ANXA2: variants seen among roughly 807,000 people sequenced by gnomAD.
ANXA2 encodes the protein annexin A2, also known as annexin II.
Under a neutral mutation model 47.3 loss-of-function variants are expected in ANXA2, and 28 were observed. That is an observed-to-expected ratio of 0.59 (90% CI 0.44 to 0.81). The LOEUF is 0.81. Ranked by LOEUF, ANXA2 falls within the 40% of genes least tolerant of loss-of-function variation. ANXA2 has a pLI of 0.00. For missense variants in ANXA2, 384 were observed against 414.3 expected (o/e 0.93, Z 0.64); for synonymous variants, 172 against 155.5 (o/e 1.11, Z -0.79).
chr15:60,391,945 A>T (rs1486937317), intron 1 of ANXA2, among the ~76,000 whole-genome samples: 1 of 152,082 alleles, frequency 6.6e-6, no homozygotes, highest in African/African-American at 2.4e-5. Context: ...GAGTACATCT[A>T]CATACACATC....
intron 4 of ANXA2, 124 bp downstream of exon 4, chr15:60,364,305 T>C: frequency 2.6e-6 from 2 of 757,204 alleles, no homozygotes; most frequent in Non-Finnish European, 4.5e-6. Context: ...AAGAAAATCT[T>C]AGATATCCAA....
intron 3 of ANXA2, among the ~76,000 whole-genome samples, chr15:60,379,008 C>T (rs190125928): frequency 3.8e-4 from 58 of 151,452 alleles, no homozygotes; most frequent in Admixed American, 7.3e-4. Context: ...AGGCCAGGCG[C>T]GGTGGCTCAC....
intron 3 of ANXA2, among the ~76,000 whole-genome samples, chr15:60,377,827 C>T (rs1242348595): frequency 6.6e-6 from 1 of 152,198 alleles, no homozygotes; most frequent in East Asian, 1.9e-4. Flanking sequence ...TGATTTCACA[C>T]CTGTAATCCC....
intron 1 of ANXA2, among the ~76,000 whole-genome samples, chr15:60,388,988 C>CCAAG: frequency 3.3e-5 from 5 of 151,850 alleles, no homozygotes; most frequent in Admixed American, 6.6e-5. Flanking sequence ...TCTCTAACTT[C>CCAAG]AACATGGACC....
intron 3 of ANXA2, among the ~76,000 whole-genome samples, chr15:60,367,037 C>G (rs1430829950): frequency 2.8e-5 from 2 of 72,494 alleles, no homozygotes; most frequent in Non-Finnish European, 5.6e-5. Flanking sequence ...GTCAGCCCCC[C>G]GCCCGGCCAG....
intron 3 of ANXA2, among the ~76,000 whole-genome samples, chr15:60,381,650 G>T (rs9920823): frequency 0.17 from 25,361 of 151,988 alleles, 2,360 homozygotes; most frequent in South Asian, 0.25. Flanking sequence ...CACTCATTCT[G>T]ACAGCTCTTC....
At chr15:60,377,705 A>AT (rs1166364057) in intron 3 of ANXA2, among the ~76,000 whole-genome samples, 1 of 152,196 alleles carries the variant, frequency 6.6e-6, no homozygotes, top group Non-Finnish European at 1.5e-5. Flanking sequence ...AAAAACCATA[A>AT]TATCTACACA....
intron 3 of ANXA2, among the ~76,000 whole-genome samples, chr15:60,368,752 A>T (rs2062673529): frequency 6.6e-6 from 1 of 152,222 alleles, no homozygotes; most frequent in South Asian, 2.1e-4. Context: ...CATAATGACC[A>T]TAAATGGGTT....
At chr15:60,351,680 C>G (rs1896017601) in intron 10 of ANXA2, 44 bp downstream of exon 10, 1 of 1,305,998 alleles carries the variant, frequency 7.7e-7, no homozygotes, top group African/African-American at 1.5e-5. Flanking sequence ...CACTTCTGCT[C>G]TGGTAGCTGA....
intron 3 of ANXA2, among the ~76,000 whole-genome samples, chr15:60,373,058 G>C (rs1009942971): frequency 8.5e-5 from 13 of 152,148 alleles, no homozygotes; most frequent in Admixed American, 4.6e-4. Flanking sequence ...TAAAAGTTTA[G>C]TATATGTTTA....
chr15:60,362,147 C>T (rs150514364), intron 4 of ANXA2, among the ~76,000 whole-genome samples: 27 of 152,240 alleles, frequency 1.8e-4, no homozygotes, highest in African/African-American at 5.8e-4. Context: ...CGGGAACACA[C>T]GGCACTTAGG....
At chr15:60,364,397 G>A (rs2062561524) in intron 4 of ANXA2, 32 bp downstream of exon 4, 2 of 1,564,644 alleles carry the variant, frequency 1.3e-6, no homozygotes, top group East Asian at 4.5e-5. Flanking sequence ...AATTCAACAA[G>A]AAATGCCCTC....
intron 5 of ANXA2, among the ~76,000 whole-genome samples, chr15:60,357,654 A>G (rs547356816): frequency 5.1e-4 from 78 of 152,212 alleles, no homozygotes; most frequent in African/African-American, 1.8e-3. Context: ...TTAGCTGGGC[A>G]TGGTAGCGGG....
chr15:60,394,714 G>GA (rs67747519), intron 1 of ANXA2: 11 of 148,666 alleles, frequency 7.4e-5, no homozygotes, highest in Non-Finnish European at 1.0e-4. Flanking sequence ...AAAAAAAAAA[G>GA]AAAAAAAAAA....
chr15:60,390,009 G>T (rs2062986601), intron 1 of ANXA2, among the ~76,000 whole-genome samples: 2 of 152,200 alleles, frequency 1.3e-5, no homozygotes, highest in Non-Finnish European at 2.9e-5. Flanking sequence ...ATTCAAAGCA[G>T]TAGAAAGTAT....
intron 4 of ANXA2, 118 bp from the exon 5 acceptor site, chr15:60,361,172 A>T: frequency 1.4e-6 from 1 of 719,854 alleles, no homozygotes; most frequent in East Asian, 2.7e-5. Flanking sequence ...ACCACTCCGG[A>T]GTCTTGGGTC....
Position 60,382,390 on chromosome 15 carries a change from C to T in ANXA2, c.100G>A (p.Asp34Asn). The T allele has an allele frequency of 1.9e-6, 3 of 1,613,986 alleles. No homozygotes were observed. Among genetic ancestry groups the T allele is most frequent in the Non-Finnish European group, 2.5e-6 (3 of 1,179,914 alleles). Residue 34 changes from aspartate (D) to asparagine (N), a missense_variant, in exon 3 of 13, where the codon GAT becomes AAT. Asp to Asn is a conservative substitution (Grantham distance 23). Coordinates refer to ENST00000451270, the MANE Select transcript of ANXA2 (RefSeq NM_004039.3). ...ATGTTCAAAGCATCCCGCTCAGCAT[C>T]AAAGTTAGTATAGGCTTTGACAGAC... is the stretch of plus-strand genomic sequence containing the variant. ...YGSVKAYTNFDAERDALNIET... is the reference protein window; with the variant it reads ...YGSVKAYTNFNAERDALNIET...
At chr15:60,369,048 A>C (rs1326769640) in intron 3 of ANXA2, among the ~76,000 whole-genome samples, 5 of 152,190 alleles carry the variant, frequency 3.3e-5, no homozygotes, top group African/African-American at 9.7e-5. Flanking sequence ...TGTATGTGTT[A>C]TGTGTGTAAA....
At chr15:60,368,316 A>AAAAATAAATAAAAT (rs1555401434) in intron 3 of ANXA2, among the ~76,000 whole-genome samples, 23 of 114,006 alleles carry the variant, frequency 2.0e-4, no homozygotes, top group East Asian at 1.7e-3. Flanking sequence ...AATAAAAAAA[A>AAAAATAAATAAAAT]AAAATAAAAT....
Sources: gnomAD v4.1 joint callset for allele counts (sites outside exome capture counted in the v4.1 genomes callset) on GRCh38, gnomAD v4.1.1 for gene constraint, MANE v1.5 for transcripts, NCBI Gene and HGNC (gene_info 2026-07-23, HGNC 2026-07-21) for gene names.